The following FAM171A2 variants were observed in gnomAD, a reference collection of about 807,000 sequenced individuals.
FAM171A2 encodes the protein family with sequence similarity 171 member A2.
A neutral mutation model predicts 34.2 loss-of-function variants in FAM171A2; 13 were observed. The ratio of observed to expected loss-of-function variants is 0.38; its 90% CI spans 0.25 to 0.60. The LOEUF is 0.60. FAM171A2 is among the 20% of genes least tolerant of loss of function. The pLI, the probability that FAM171A2 is intolerant of heterozygous loss-of-function variation, is 0.62. For synonymous variants in FAM171A2, 475 were observed against 561.2 expected, an observed-to-expected ratio of 0.85 and a Z score of 2.17; for missense variants, 950 against 1,180.7, an observed-to-expected ratio of 0.80 and a Z score of 2.86.
At chr17:44,361,622 G>A (rs2048448204) in intron 1 of FAM171A2, among the ~76,000 whole-genome samples, 1 of 152,124 alleles carries the variant, frequency 6.6e-6, no homozygotes, top group Admixed American at 6.5e-5. Flanking sequence ...CCAGGCCAGA[G>A]CCCAACCCTG....
Position 44,356,275 on chromosome 17 carries a change from G to C in FAM171A2, c.676C>G (p.Pro226Ala). Residue 226 changes from proline (P) to alanine (A), a missense_variant, in exon 5 of 8, where the codon CCG becomes GCG. Transcript: ENST00000293443. ...HLLTGNGTEV[P>A]LSGPIHLSLP... ...GACAGGTGAATGGGGCCTGAGAGCG[G>C]CACCTCTGTCCCATTACCTGTCAGC... The C allele has an allele frequency of 1.3e-6, 2 of 1,551,322 alleles. No individual in the cohort carries two copies. The highest frequency in any genetic ancestry group is 1.7e-6 in the Non-Finnish European group (2 of 1,146,868).
In FAM171A2 at chr17:44,359,885, C is replaced by T. The variant is rs759237646; in HGVS notation, c.346+20G>A. 1 of 1,512,396 alleles carries T rather than the reference C, an allele frequency of 6.6e-7. No homozygotes were observed. The allele number at this position is 1,512,396 out of a possible 1,614,324, so 93.7% of individuals were successfully genotyped here. On this transcript the variant is annotated intron_variant, in intron 2 of 7. Transcript: ENST00000293443. ...GAGGGTCAGCTGCTGTCCCCCCCCT[C>T]CACCTGCCCCTGCACTCACAGGGCA...
intron 1 of FAM171A2, among the ~76,000 whole-genome samples, chr17:44,363,244 G>T (rs1484368464): frequency 6.6e-6 from 1 of 152,082 alleles, no homozygotes; most frequent in African/African-American, 2.4e-5. Flanking sequence ...CGGAGCAGGC[G>T]CCCGCCCCAG....
intron 3 of FAM171A2, 84 bp from the exon 4 acceptor site, chr17:44,356,672 A>G (rs2048425622): frequency 3.5e-6 from 5 of 1,418,496 alleles, no homozygotes; most frequent in Middle Eastern, 5.2e-4. Flanking sequence ...TCTAAGGAAA[A>G]GGGGGACATG....
Position 44,354,245 on chromosome 17 carries a change from A to G in FAM171A2, c.1969T>C (p.Ser657Pro). The G allele has an allele frequency of 6.9e-7, 1 of 1,455,336 alleles. No individual in the cohort carries two copies. Among genetic ancestry groups the G allele is most frequent in the East Asian group, 2.9e-5 (1 of 34,236 alleles). 90.2% of individuals were successfully genotyped at this position (1,455,336 alleles called of 1,614,324 possible). The change falls in exon 8 of 8, where the codon TCC (serine) becomes CCC (proline). Residue 657 changes from serine to proline, a missense_variant. Transcript: ENST00000293443. This position sits in a 1 kb window ranked among gnomAD's most constrained non-coding sequence, Gnocchi z 5.8. ...TGCGAGTTGGAGCGCCCGTCGAGGG[A>G]CACGAACCAGGCGCGCGGGTGCGGC... ...VKPHPRAWFVSLDGRSNSQVR... is the reference protein window; with the variant it reads ...VKPHPRAWFVPLDGRSNSQVR...
In FAM171A2 at chr17:44,354,329, G is replaced by C. The variant is rs1202294928; in HGVS notation, c.1885C>G (p.Gln629Glu). The change falls in exon 8 of 8, where the codon CAG (glutamine) becomes GAG (glutamate). Residue 629 changes from glutamine (Q) to glutamate (E), a missense_variant. Coordinates refer to ENST00000293443, the MANE Select transcript of FAM171A2 (RefSeq NM_198475.3). This position sits in a 1 kb window ranked among gnomAD's most constrained non-coding sequence, Gnocchi z 5.8. ...PVLFNESTMA[Q>E]LNGELQALTE... ...AGGGCCTGCAGCTCCCCGTTGAGCT[G>C]CGCCATGGTGGACTCGTTGAATAGC... The C allele has an allele frequency of 9.0e-6, 13 of 1,444,482 alleles. No homozygotes were observed. Among genetic ancestry groups the C allele is most frequent in the Non-Finnish European group, 1.0e-5 (11 of 1,087,768 alleles). The allele number at this position is 1,444,482 out of a possible 1,614,324, so 89.5% of individuals were successfully genotyped here.
Position 44,354,718 on chromosome 17 carries a change from AG to A in FAM171A2, c.1495del (p.Leu499CysfsTer43). 1 of 1,339,206 alleles carries A rather than the reference AG, an allele frequency of 7.5e-7. No homozygotes were observed. Among genetic ancestry groups the A allele is most frequent in the Non-Finnish European group, 9.6e-7 (1 of 1,043,318 alleles). 83.0% of individuals were successfully genotyped at this position (1,339,206 alleles called of 1,614,324 possible). On this transcript the variant is annotated frameshift_variant, in exon 8 of 8. Coordinates refer to ENST00000293443, the MANE Select transcript of FAM171A2 (RefSeq NM_198475.3). LOFTEE classifies it low-confidence loss of function (END_TRUNC). The surrounding 1 kb of genome is among the most constrained non-coding windows in gnomAD (Gnocchi z 5.8). Reference sequence around the variant, plus strand: ...CAGCTGGTCCACCGACTGCGACAGCAGGAAGTCGGGGGTCTTGCCCTCGGCC... The same window carrying A: ...CAGCTGGTCCACCGACTGCGACAGCAGAAGTCGGGGGTCTTGCCCTCGGCC... Reference protein sequence around the residue: ...GAAEGKTPDFLLSQSVDQLAR... With the variant: ...GAAEGKTPDFXLSQSVDQLAR...
chr17:44,357,244 G>A (rs2048428190), intron 3 of FAM171A2, among the ~76,000 whole-genome samples: 1 of 151,984 alleles, frequency 6.6e-6, no homozygotes, highest in Non-Finnish European at 1.5e-5. Flanking sequence ...CTGCTCGTGA[G>A]GCTGAGGCAG....
In FAM171A2 at chr17:44,353,353, C is replaced by T. The variant is rs1567889519; in HGVS notation, c.*380G>A. ...GCTAGTCAGCAAGCAGCACCCCCTCCCCTCCCAGGGGTCCACAAAGAACGC... is the reference window on the plus strand; with the variant it reads ...GCTAGTCAGCAAGCAGCACCCCCTCTCCTCCCAGGGGTCCACAAAGAACGC... On this transcript the variant is annotated 3_prime_UTR_variant, in exon 8 of 8. Transcript: ENST00000293443. 1 of 176,322 alleles carries T rather than the reference C, an allele frequency of 5.7e-6. No individual in the cohort carries two copies. The highest frequency in any genetic ancestry group is 1.2e-5 in the Non-Finnish European group (1 of 82,928). 10.9% of individuals were successfully genotyped at this position (176,322 alleles called of 1,614,324 possible).
Position 44,353,991 on chromosome 17 carries a change from G to C in FAM171A2, c.2223C>G (p.Leu741=), listed in dbSNP as rs2048405420. Reference sequence around the variant, plus strand: ...TCAGCGAGTTGTCCTCCGGAGAGCAGAGGCCCGTGCGGCTCTCGCTGCTGC... The same window carrying C: ...TCAGCGAGTTGTCCTCCGGAGAGCACAGGCCCGTGCGGCTCTCGCTGCTGC... ...EPSSSESRTG[L]CSPEDNSLTP... Residue 741 remains leucine, a synonymous_variant, in exon 8 of 8, where the codon CTC becomes CTG. Coordinates refer to ENST00000293443, the MANE Select transcript of FAM171A2 (RefSeq NM_198475.3). 9 of 1,253,006 alleles carry C rather than the reference G, an allele frequency of 7.2e-6. No homozygotes were observed. The South Asian group carries it at 2.4e-4, about 33-fold the overall frequency. The allele number at this position is 1,253,006 out of a possible 1,614,324, so 77.6% of individuals were successfully genotyped here.
In FAM171A2 at chr17:44,355,036, G is replaced by C. The variant is rs1200765656; in HGVS notation, c.1178C>G (p.Pro393Arg). 5 of 1,535,720 alleles carry C rather than the reference G, an allele frequency of 3.3e-6. No homozygotes were observed. The highest frequency in any genetic ancestry group is 4.4e-6 in the Non-Finnish European group (5 of 1,140,686). ...EPAPSGDPEA[P>R]PPGPLHSAFS... ...GGCCGAGTGGAGGGGGCCTGGAGGC[G>C]GAGCCTCGGGGTCCCCCGACGGGGC... Residue 393 changes from proline to arginine, a missense_variant, in exon 8 of 8, where the codon CCG (proline) becomes CGG (arginine). Pro to Arg is a moderately radical substitution (Grantham distance 103). This residue lies in a region of FAM171A2 where 752 missense variants were observed against 924.5 expected (regional missense o/e 0.81). Coordinates refer to ENST00000293443, the MANE Select transcript of FAM171A2 (RefSeq NM_198475.3). This position sits in a 1 kb window ranked among gnomAD's most constrained non-coding sequence, Gnocchi z 4.1.
intron 3 of FAM171A2, 23 bp downstream of exon 3, chr17:44,359,556 G>C (rs1478057810): frequency 6.5e-7 from 1 of 1,543,008 alleles, no homozygotes; most frequent in South Asian, 1.2e-5. Context: ...AGAAGAGTTG[G>C]CGTGGGTGAG....
chr17:44,358,354 C>T (rs1304260214), intron 3 of FAM171A2, among the ~76,000 whole-genome samples: 2 of 152,100 alleles, frequency 1.3e-5, no homozygotes, highest in Non-Finnish European at 2.9e-5. Flanking sequence ...CCTGCAGGGG[C>T]ACTTAGAAGC....
chr17:44,358,520 G>A (rs1161401068), intron 3 of FAM171A2, among the ~76,000 whole-genome samples: 1 of 151,942 alleles, frequency 6.6e-6, no homozygotes, highest in East Asian at 1.9e-4. Flanking sequence ...TGGCAAAACC[G>A]TCTCTACTAA....
rs1352670214 is a variant in FAM171A2, at chr17:44,355,160, G to A, written c.1054C>T (p.Arg352Cys). 1.9e-6 allele frequency: 3 copies of A among 1,550,938 alleles called. No individual in the cohort carries two copies. The highest frequency in any genetic ancestry group is 1.2e-5 in the South Asian group (1 of 84,052). Residue 352 changes from arginine (R) to cysteine (C), a missense_variant, in exon 8 of 8, where the codon CGC becomes TGC. Around this residue, in one of 3 missense-constraint regions of FAM171A2, gnomAD observed 752 missense variants for 924.5 expected, o/e 0.81. Transcript: ENST00000293443. The surrounding 1 kb of genome is among the most constrained non-coding windows in gnomAD (Gnocchi z 4.1). ...RRCLKPRQQH[R>C]KLQLSGPSDG... ...GAGGGCCCCGAGAGCTGCAGCTTGC[G>A]GTGCTGTTGCCTCGGCTTCAGGCAG... is the stretch of plus-strand genomic sequence containing the variant.
rs2048405202 is a variant in FAM171A2 at position 44,353,962 on chromosome 17, G to A, written c.2252C>T (p.Pro751Leu). The A allele has an allele frequency of 6.2e-6, 8 of 1,293,252 alleles. No homozygotes were observed. In the East Asian group the frequency reaches 2.3e-4, roughly 38 times the overall value. The allele number at this position is 1,293,252 out of a possible 1,614,324, so 80.1% of individuals were successfully genotyped here. A position where few individuals can be genotyped will look rare whatever the true frequency, so the allele number is the denominator to read the frequency against. The change falls in exon 8 of 8, where the codon CCG becomes CTG. Residue 751 changes from proline (P) to leucine (L), a missense_variant. Physicochemically the swap from Pro to Leu is moderately conservative, Grantham distance 98 (BLOSUM62 -3). This residue lies in a region of FAM171A2 where 191 missense variants were observed against 222.8 expected (regional missense o/e 0.86). Transcript: ENST00000293443. ...LCSPEDNSLT[P>L]LLDEVAAPEG... ...GGGCGCCGCCACCTCGTCCAGCAGCGGCGTCAGCGAGTTGTCCTCCGGAGA... is the reference window on the plus strand; with the variant it reads ...GGGCGCCGCCACCTCGTCCAGCAGCAGCGTCAGCGAGTTGTCCTCCGGAGA...
Position 44,356,598 on chromosome 17 carries a change from A to G in FAM171A2, c.440-10T>C. The G allele has an allele frequency of 6.5e-7, 1 of 1,536,262 alleles. No homozygotes were observed. The highest frequency in any genetic ancestry group is 8.8e-7 in the Non-Finnish European group (1 of 1,139,458). On this transcript the variant is annotated splice_polypyrimidine_tract_variant and intron_variant, in intron 3 of 7. Coordinates refer to ENST00000293443, the MANE Select transcript of FAM171A2 (RefSeq NM_198475.3). ...GGCTGGGAGCGGGCACCTGGAGGGA[A>G]AGAGGGGCTGCAGTGGCTTGACCAT...
intron 1 of FAM171A2, among the ~76,000 whole-genome samples, chr17:44,361,876 C>T (rs1416492169): frequency 1.3e-5 from 2 of 152,012 alleles, no homozygotes; most frequent in African/African-American, 2.4e-5. Context: ...CCTGCCAACA[C>T]CCATTAGGAA....
At chr17:44,361,217 G>A (rs934025769) in intron 1 of FAM171A2, among the ~76,000 whole-genome samples, 1 of 152,238 alleles carries the variant, frequency 6.6e-6, no homozygotes, top group African/African-American at 2.4e-5. Context: ...TTGTTCCCAT[G>A]GATTCTCCAG....
Sources: gnomAD v4.1 joint callset for allele counts (sites outside exome capture counted in the v4.1 genomes callset) on GRCh38, gnomAD v4.1.1 for gene constraint, gnomAD v4.1.1 regional missense constraint, Gnocchi (gnomAD v3.1) non-coding constraint, MANE v1.5 for transcripts, NCBI Gene and HGNC (gene_info 2026-07-23, HGNC 2026-07-21) for gene names.